Variants in CHRNG observed in about 807,000 individuals in gnomAD.
The protein encoded by CHRNG is acetylcholine receptor subunit gamma.
In CHRNG, 72 loss-of-function variants were observed where a neutral mutation model predicts 65.2. The observed-to-expected ratio is 1.10, with a 90% CI of 0.91 to 1.34. The LOEUF is 1.34. CHRNG is among the 40% of genes most tolerant of loss of function. The pLI, the probability that CHRNG is intolerant of heterozygous loss-of-function variation, is 0.00. For missense variants in CHRNG, 637 were observed against 680.1 expected, an observed-to-expected ratio of 0.94 and a Z score of 0.70; for synonymous variants, 284 against 290.2, an observed-to-expected ratio of 0.98 and a Z score of 0.22.
In CHRNG at chr2:232,544,372, C is replaced by T; in HGVS notation, c.1041C>T (p.Phe347=). Residue 347 remains phenylalanine (F), a synonymous_variant, in exon 10 of 12, where the codon TTC becomes TTT. Coordinates refer to ENST00000651502, the MANE Select transcript of CHRNG (RefSeq NM_005199.5). The part of the protein sequence containing the change: ...HSMARGVRKV[F]LRLLPQLLRM... Reference sequence around the variant, plus strand: ...TGAAGCCACCCCCTCTCTAGGTGTTCCTGAGGCTCTTGCCCCAGCTGCTGA... The same window carrying T: ...TGAAGCCACCCCCTCTCTAGGTGTTTCTGAGGCTCTTGCCCCAGCTGCTGA... 1.2e-6 allele frequency: 2 copies of T among 1,613,072 alleles called. No homozygotes were observed. Among genetic ancestry groups the T allele is most frequent in the Non-Finnish European group, 1.7e-6 (2 of 1,179,806 alleles).
In CHRNG at chr2:232,541,991, G is replaced by A. The variant is rs938198937; in HGVS notation, c.507-432G>A. ...TCTGTTTCCTCAAACCTAAGTGTGG[G>A]GAGGAGGGCCCGGGGGAGGGTTCTC... On this transcript the variant is annotated intron_variant, in intron 5 of 11. Coordinates refer to ENST00000651502, the MANE Select transcript of CHRNG (RefSeq NM_005199.5). The surrounding 1 kb of genome is among the most constrained non-coding windows in gnomAD (Gnocchi z 4.0). 1 of 317,440 alleles carries A rather than the reference G, an allele frequency of 3.2e-6. No individual in the cohort carries two copies. The highest frequency in any genetic ancestry group is 2.1e-5 in the African/African-American group (1 of 47,012). 19.7% of individuals were successfully genotyped at this position (317,440 alleles called of 1,614,324 possible).
chr2:232,543,236 G>C, intron 7 of CHRNG, 39 bp from the exon 8 acceptor site: 1 of 1,573,420 alleles, frequency 6.4e-7, no homozygotes, highest in African/African-American at 1.3e-5. Flanking sequence ...GGGTGGGGGA[G>C]GTAGGAACCT....
chr2:232,543,472 C>T (rs1692058905), intron 8 of CHRNG, 83 bp downstream of exon 8: 5 of 1,229,822 alleles, frequency 4.1e-6, no homozygotes, highest in Non-Finnish European at 5.8e-6. Flanking sequence ...CCCTCTTGCC[C>T]TCCATCCACC....
chr2:232,543,730 C>A, intron 9 of CHRNG, 31 bp downstream of exon 9: 1 of 1,310,320 alleles, frequency 7.6e-7, no homozygotes, highest in Non-Finnish European at 1.1e-6. Context: ...CTTCAACATC[C>A]CGCTGCCCAC....
At position 232,543,680 on chromosome 2, in the gene CHRNG, T is replaced by C. The variant is rs1692066055; in HGVS notation, c.1016T>C (p.Met339Thr). 1.2e-6 allele frequency: 2 copies of C among 1,611,168 alleles called. No individual in the cohort carries two copies. The highest frequency in any genetic ancestry group is 1.7e-6 in the Non-Finnish European group (2 of 1,177,406). The change falls in exon 9 of 12, where the codon ATG becomes ACG. Residue 339 changes from methionine to threonine, a missense_variant. Physicochemically the swap from Met to Thr is moderately conservative, Grantham distance 81. Transcript: ENST00000651502. The part of the protein sequence containing the change: ...VSLRSPHTHS[M>T]ARGVRKVFLR... ...TTGCGGTCTCCACACACACACTCCA[T>C]GGCCCGAGGGGTCCGCAAGGCAAGG...
Position 232,544,276 on chromosome 2 carries a change from T to C in CHRNG, c.1036-91T>C, listed in dbSNP as rs1341160940. 3.1e-6 allele frequency: 3 copies of C among 964,482 alleles called. 1 individual carries two copies. Among genetic ancestry groups the C allele is most frequent in the East Asian group, 4.8e-5 (2 of 42,086 alleles). 59.7% of individuals were successfully genotyped at this position (964,482 alleles called of 1,614,324 possible). On this transcript the variant is annotated intron_variant, in intron 9 of 11. Coordinates refer to ENST00000651502, the MANE Select transcript of CHRNG (RefSeq NM_005199.5). ...TCACTGCCCCGGTATGCTGCCTCCA[T>C]GGTCCCTAGCAGCACAAGCCCTTCA...
rs1692140847 is a variant in CHRNG at position 232,546,719 on chromosome 2, A to G, written c.*1003A>G. ...CATGTTATATAGGCAAATTGAGCCT[A>G]GAGTAAGCGGGACTCCACACAACAG... On this transcript the variant is annotated 3_prime_UTR_variant, in exon 12 of 12. Coordinates refer to ENST00000651502, the MANE Select transcript of CHRNG (RefSeq NM_005199.5). Among the ~76,000 whole-genome samples, 1 of 152,154 alleles carries G rather than the reference A, an allele frequency of 6.6e-6. No homozygotes were observed. Among genetic ancestry groups the G allele is most frequent in the Admixed American group, 6.5e-5 (1 of 15,282 alleles).
rs530909240 is a variant in CHRNG, at chr2:232,543,825, A to G, written c.1035+126A>G. On this transcript the variant is annotated intron_variant, in intron 9 of 11. Transcript: ENST00000651502. ...ACCCATCCTGGGCGTATCTGGACGC[A>G]TGGACCAAAATCGATTACAGTAATA... 39 of 707,176 alleles carry G rather than the reference A, an allele frequency of 5.5e-5. No homozygotes were observed. The East Asian group carries it at 7.3e-4, about 13-fold the overall frequency. The allele number at this position is 707,176 out of a possible 1,614,324, so 43.8% of individuals were successfully genotyped here.
chr2:232,541,226 C>A lies in CHRNG; in HGVS notation c.351-148C>A. ...AGGATTGCTGGGGGGACCTAGTGGT[C>A]CGGGTGGGAACCAGTCAGGGGGTGA... On this transcript the variant is annotated intron_variant, in intron 4 of 11. Transcript: ENST00000651502. The surrounding 1 kb of genome is among the most constrained non-coding windows in gnomAD (Gnocchi z 4.0). 2.1e-6 allele frequency: 2 copies of A among 946,900 alleles called. No individual in the cohort carries two copies. The highest frequency in any genetic ancestry group is 3.7e-5 in the Admixed American group (2 of 53,578). 58.7% of individuals were successfully genotyped at this position (946,900 alleles called of 1,614,324 possible).
At position 232,540,110 on chromosome 2, in the gene CHRNG, C is replaced by T. The variant is rs747410722; in HGVS notation, c.174C>T (p.Thr58=). ...SDVVNVSLKL[T]LTNLISLNER... ...TGGTCAATGTCAGCCTGAAGCTAAC[C>T]CTCACCAACCTCATCTCCCTGGTAA... Residue 58 remains threonine (T), a synonymous_variant, in exon 2 of 12, where the codon ACC becomes ACT. Transcript: ENST00000651502. This position sits in a 1 kb window ranked among gnomAD's most constrained non-coding sequence, Gnocchi z 4.2. 33 of 1,614,064 alleles carry T rather than the reference C, an allele frequency of 2.0e-5. No individual in the cohort carries two copies. Among genetic ancestry groups the T allele is most frequent in the African/African-American group, 2.7e-5 (2 of 74,926 alleles).
rs1692001212 is a variant in CHRNG, at chr2:232,540,861, C to G, written c.350+150C>G. On this transcript the variant is annotated intron_variant, in intron 4 of 11. Transcript: ENST00000651502. The surrounding 1 kb of genome is among the most constrained non-coding windows in gnomAD (Gnocchi z 4.2). The stretch of plus-strand genomic sequence containing the variant: ...AGGGAAGAACTGGATGGAGCAGGTG[C>G]CGAGGGCAGGGCCCTGGGTATGCCC... 1.2e-5 allele frequency: 9 copies of G among 756,334 alleles called. No homozygotes were observed. The highest frequency in any genetic ancestry group is 2.0e-5 in the Non-Finnish European group (9 of 452,188). The allele number at this position is 756,334 out of a possible 1,614,324, so 46.9% of individuals were successfully genotyped here. A position where few individuals can be genotyped will look rare whatever the true frequency, so the allele number is the denominator to read the frequency against.
chr2:232,545,092 T>G (rs1216834957), intron 11 of CHRNG, among the ~76,000 whole-genome samples, 190 bp downstream of exon 11: 1 of 151,280 alleles, frequency 6.6e-6, no homozygotes, highest in African/African-American at 2.4e-5. Flanking sequence ...AGGTCAGGAG[T>G]TTGAGACCAG....
At chr2:232,542,268 A>C (rs886466588) in intron 5 of CHRNG, among the ~76,000 whole-genome samples, 155 bp from the exon 6 acceptor site, 1 of 152,160 alleles carries the variant, frequency 6.6e-6, no homozygotes, top group East Asian at 1.9e-4. Flanking sequence ...CCTGCTCTCC[A>C]TATCTCGCCA....
chr2:232,545,010 CAT>C, intron 11 of CHRNG, 108 bp downstream of exon 11: 1 of 1,440,454 alleles, frequency 6.9e-7, no homozygotes, highest in South Asian at 1.2e-5. Flanking sequence ...GATGGAAAAA[CAT>C]GAGGCCGGGT....
rs529762226 is a variant in CHRNG at position 232,546,057 on chromosome 2, T to C, written c.*341T>C. 2.2e-4 allele frequency: 90 copies of C among 404,770 alleles called. No homozygotes were observed. The highest frequency in any genetic ancestry group is 1.6e-3 in the African/African-American group (80 of 48,910). The allele number at this position is 404,770 out of a possible 1,614,324, so 25.1% of individuals were successfully genotyped here. A position where few individuals can be genotyped will look rare whatever the true frequency, so the allele number is the denominator to read the frequency against. ...CTGAAGCCCGAAGGACTGTTTTGTA[T>C]AATACCTTCGGACTTGGGACTGGCT... On this transcript the variant is annotated 3_prime_UTR_variant, in exon 12 of 12. Coordinates refer to ENST00000651502, the MANE Select transcript of CHRNG (RefSeq NM_005199.5).
chr2:232,543,567 C>A lies in CHRNG; in HGVS notation c.921-18C>A. 3 of 1,529,192 alleles carry A rather than the reference C, an allele frequency of 2.0e-6. No homozygotes were observed. Among genetic ancestry groups the A allele is most frequent in the Non-Finnish European group, 2.7e-6 (3 of 1,102,930 alleles). 94.7% of individuals were successfully genotyped at this position (1,529,192 alleles called of 1,614,324 possible). Reference sequence around the variant, plus strand: ...TCATGGTATGGGCTGCCAGCTCCTGCCCACCCCACCCTGACAGGTACCTGA... The same window carrying A: ...TCATGGTATGGGCTGCCAGCTCCTGACCACCCCACCCTGACAGGTACCTGA... On this transcript the variant is annotated intron_variant, in intron 8 of 11. Transcript: ENST00000651502.
chr2:232,542,958 C>G lies in CHRNG; in HGVS notation c.681C>G (p.Gly227=). ...LDPAAPAQEA[G]HQKVVFYLLI... The stretch of plus-strand genomic sequence containing the variant: ...CAGCGGCGCCAGCCCAGGAAGCAGG[C>G]CACCAGAAGGTGGTGTTCTACCTGC... The change falls in exon 7 of 12, where the codon GGC becomes GGG. Residue 227 remains glycine (G), a synonymous_variant. Coordinates refer to ENST00000651502, the MANE Select transcript of CHRNG (RefSeq NM_005199.5). 6.2e-7 allele frequency: 1 copy of G among 1,614,150 alleles called. No individual in the cohort carries two copies. The highest frequency in any genetic ancestry group is 8.5e-7 in the Non-Finnish European group (1 of 1,179,940).
At chr2:232,543,143 G>T (rs906953180) in intron 7 of CHRNG, 61 bp downstream of exon 7, 1 of 1,568,504 alleles carries the variant, frequency 6.4e-7, no homozygotes, top group East Asian at 2.2e-5. Context: ...GGAGGCCGGG[G>T]TGGGCCCTGC....
chr2:232,541,593 G>T lies in CHRNG; in HGVS notation c.506+64G>T. ...TCAGAGGGGCCTGGGCAGTGGTGGGGTAAGGCCTGGGCAAGGCTTCTGGCC... is the reference window on the plus strand; with the variant it reads ...TCAGAGGGGCCTGGGCAGTGGTGGGTTAAGGCCTGGGCAAGGCTTCTGGCC... On this transcript the variant is annotated intron_variant, in intron 5 of 11. Coordinates refer to ENST00000651502, the MANE Select transcript of CHRNG (RefSeq NM_005199.5). This position sits in a 1 kb window ranked among gnomAD's most constrained non-coding sequence, Gnocchi z 4.0. 6.3e-7 allele frequency: 1 copy of T among 1,590,900 alleles called. No individual in the cohort carries two copies. The highest frequency in any genetic ancestry group is 1.7e-4 in the Middle Eastern group (1 of 5,798).
Sources: allele counts gnomAD v4.1 joint callset (sites outside exome capture counted in the v4.1 genomes callset), GRCh38; gene constraint gnomAD v4.1.1; non-coding constraint Gnocchi (gnomAD v3.1); transcripts MANE v1.5; gene names NCBI Gene and HGNC (gene_info 2026-07-23, HGNC 2026-07-21).